The following DCAF13 variants were observed in gnomAD, a reference collection of about 807,000 sequenced individuals.
DCAF13 encodes DDB1 and CUL4 associated factor 13.
Under a neutral mutation model 59.0 loss-of-function variants are expected in DCAF13, and 38 were observed. That is an observed-to-expected ratio of 0.64 (90% CI 0.50 to 0.84). The LOEUF (loss-of-function observed/expected upper bound fraction) is 0.84, where lower values mean the gene tolerates loss of function less well. DCAF13 is among the 40% of genes least tolerant of loss of function. The pLI, the probability that DCAF13 is intolerant of heterozygous loss-of-function variation, is 0.00. For missense variants in DCAF13, 469 were observed against 558.4 expected (o/e 0.84, Z 1.61); for synonymous variants, 173 against 175.0 (o/e 0.99, Z 0.09).
intron 1 of DCAF13, 133 bp from the exon 2 acceptor site, chr8:103,420,131 C>G: frequency 1.3e-6 from 1 of 791,862 alleles, no homozygotes; most frequent in South Asian, 1.7e-5. Context: ...AGGTCTTCTA[C>G]TTTTGTATTC....
chr8:103,415,546 G>T lies in DCAF13; in HGVS notation c.70+30G>T, dbSNP rs765149441. 8.3e-6 allele frequency: 13 copies of T among 1,574,200 alleles called. 1 individual carries two copies. In the South Asian group the frequency reaches 1.4e-4, roughly 17 times the overall value. On this transcript the variant is annotated intron_variant, in intron 1 of 10. Coordinates refer to ENST00000612750, the MANE Select transcript of DCAF13 (RefSeq NM_015420.7). ...GATAAGTTGGTAGGGAGAAAGGGAC[G>T]GTTTCCGCAAGTCGTTGGGTCTAGC...
chr8:103,442,674 T>G (rs891475283), intron 10 of DCAF13, 121 bp from the exon 11 acceptor site: 80 of 593,134 alleles, frequency 1.3e-4, no homozygotes, highest in Middle Eastern at 6.1e-4. Context: ...ATTGTCATCG[T>G]GAAAATATTT....
chr8:103,433,806 C>A (rs185414214), intron 7 of DCAF13, among the ~76,000 whole-genome samples: 1 of 152,008 alleles, frequency 6.6e-6, no homozygotes. Flanking sequence ...ACTAGCAATA[C>A]CAAACCACAG....
chr8:103,426,991 AG>A, intron 4 of DCAF13, 105 bp from the exon 5 acceptor site: 1 of 822,500 alleles, frequency 1.2e-6, no homozygotes, highest in African/African-American at 1.8e-5. Context: ...CTTTGTGAAC[AG>A]GGCTTTTCTC....
chr8:103,440,121 A>T lies in DCAF13; in HGVS notation c.951-15A>T. ...CCAAAATCCAAAGGGTTTTAACTTA[A>T]TTCGTTTTCTATAGGGAGGTATATC... is the stretch of plus-strand genomic sequence containing the variant. On this transcript the variant is annotated splice_polypyrimidine_tract_variant and intron_variant, in intron 8 of 10. Transcript: ENST00000612750. The T allele has an allele frequency of 6.5e-7, 1 of 1,536,344 alleles. No homozygotes were observed.
intron 3 of DCAF13, 130 bp from the exon 4 acceptor site, chr8:103,425,926 A>G (rs967919480): frequency 3.1e-6 from 2 of 651,852 alleles, no homozygotes; most frequent in South Asian, 1.8e-5. Context: ...AAATGGATCA[A>G]TAAGTGTAAT....
intron 1 of DCAF13, among the ~76,000 whole-genome samples, chr8:103,417,641 C>CAAAAAA (rs34702662): frequency 1.3e-5 from 1 of 75,948 alleles, no homozygotes; most frequent in African/African-American, 4.3e-5. Flanking sequence ...GACTCCGTCT[C>CAAAAAA]AAAAAAAAAA....
Position 103,415,510 on chromosome 8 carries a change from C to T in DCAF13, c.64C>T (p.Gln22Ter), listed in dbSNP as rs1422266147. 2 of 1,608,700 alleles carry T rather than the reference C, an allele frequency of 1.2e-6. No homozygotes were observed. The highest frequency in any genetic ancestry group is 1.3e-5 in the African/African-American group (1 of 74,846). Residue 22 changes from glutamine to a stop codon, truncating the protein, a stop_gained, in exon 1 of 11, where the codon CAG becomes TAG. Transcript: ENST00000612750. LOFTEE classifies it high-confidence loss of function. ...NYVRETKLDL[Q>*]RVPRNYDPAL... ...TGTCCGCGAAACCAAGTTGGACTTACAGAGAGGTAAGATAAGTTGGTAGGG... is the reference window on the plus strand; with the variant it reads ...TGTCCGCGAAACCAAGTTGGACTTATAGAGAGGTAAGATAAGTTGGTAGGG...
At chr8:103,421,647 AT>A (rs1280916353) in intron 3 of DCAF13, among the ~76,000 whole-genome samples, 1 of 152,146 alleles carries the variant, frequency 6.6e-6, no homozygotes, top group Non-Finnish European at 1.5e-5. Flanking sequence ...TGCCTCTGTG[AT>A]TTTGACTATT....
At chr8:103,416,580 A>C (rs1816616496) in intron 1 of DCAF13, among the ~76,000 whole-genome samples, 1 of 152,212 alleles carries the variant, frequency 6.6e-6, no homozygotes, top group Non-Finnish European at 1.5e-5. Context: ...ACCGAACAGT[A>C]ATCTGTTCCT....
intron 7 of DCAF13, among the ~76,000 whole-genome samples, chr8:103,433,336 A>G (rs1054506062): frequency 1.3e-5 from 2 of 152,146 alleles, no homozygotes; most frequent in African/African-American, 4.8e-5. Context: ...TTATCTTTTC[A>G]GTATCCATAT....
In DCAF13 at chr8:103,436,563, A is replaced by G. The variant is rs989040861; in HGVS notation, c.950+773A>G. 7.9e-5 allele frequency among the ~76,000 whole-genome samples: 12 copies of G among 152,310 alleles called. No homozygotes were observed. The South Asian group carries it at 2.1e-3, about 26-fold the overall frequency. On this transcript the variant is annotated intron_variant, in intron 8 of 10. Transcript: ENST00000612750. Reference sequence around the variant, plus strand: ...TACTACATATTATATGTTATTAAATACAGTATCTATTTATACATCTATTAT... The same window carrying G: ...TACTACATATTATATGTTATTAAATGCAGTATCTATTTATACATCTATTAT...
At chr8:103,435,297 T>A (rs1466502390) in intron 7 of DCAF13, among the ~76,000 whole-genome samples, 4 of 152,144 alleles carry the variant, frequency 2.6e-5, no homozygotes, top group Admixed American at 6.6e-5. Flanking sequence ...AAAGGTTTTT[T>A]AAAAAATTAT....
intron 9 of DCAF13, chr8:103,440,567 G>T: frequency 5.5e-6 from 1 of 183,434 alleles, no homozygotes; most frequent in South Asian, 1.6e-4. Flanking sequence ...CTTGAGGTAG[G>T]GACAGAAGAT....
chr8:103,436,342 G>A (rs1352005382), intron 8 of DCAF13, among the ~76,000 whole-genome samples: 1 of 152,068 alleles, frequency 6.6e-6, no homozygotes. Flanking sequence ...AGAAATAAAA[G>A]TAAGTTTAAA....
At chr8:103,420,899 C>A in intron 2 of DCAF13, 76 bp from the exon 3 acceptor site, 1 of 1,058,398 alleles carries the variant, frequency 9.4e-7, no homozygotes, top group Non-Finnish European at 1.5e-6. Flanking sequence ...TGATTCGTAG[C>A]CTTGTCAGTG....
intron 3 of DCAF13, among the ~76,000 whole-genome samples, chr8:103,425,394 C>T (rs1320322937): frequency 6.6e-6 from 1 of 152,174 alleles, no homozygotes; most frequent in Admixed American, 6.5e-5. Flanking sequence ...AACGTGCCAA[C>T]AGTTTTGCTC....
chr8:103,426,993 G>C, intron 4 of DCAF13, 104 bp from the exon 5 acceptor site: 1 of 849,054 alleles, frequency 1.2e-6, no homozygotes, highest in Non-Finnish European at 1.7e-6. Flanking sequence ...TTGTGAACAG[G>C]GCTTTTCTCT....
At chr8:103,428,623 C>G (rs1421736630) in intron 5 of DCAF13, 3 of 152,006 alleles carry the variant, frequency 2.0e-5, no homozygotes, top group Non-Finnish European at 2.9e-5. Context: ...CTTTGCAGAG[C>G]AGGACCAAGT....
Sources: allele counts gnomAD v4.1 joint callset (sites outside exome capture counted in the v4.1 genomes callset), GRCh38; gene constraint gnomAD v4.1.1; transcripts MANE v1.5; gene names NCBI Gene and HGNC (gene_info 2026-07-23, HGNC 2026-07-21).